Variants in FRY observed in about 807,000 individuals in gnomAD.
The protein encoded by FRY is FRY microtubule binding protein.
FRY carries 128 observed loss-of-function variants against 348.4 expected under a neutral mutation model. That is an observed-to-expected ratio of 0.37 (90% confidence interval 0.32 to 0.43). The LOEUF is 0.43. Among genes scored for constraint, FRY ranks in the 20% least tolerant of loss-of-function variants. FRY has a pLI of 1.00. For missense variants in FRY, 2,736 were observed against 3,695.2 expected, an observed-to-expected ratio of 0.74 and a Z score of 6.73; for synonymous variants, 1,370 against 1,374.7, an observed-to-expected ratio of 1.00 and a Z score of 0.08.
At chr13:32,092,800 G>A (rs993799961) in intron 2 of FRY, among the ~76,000 whole-genome samples, 2 of 152,166 alleles carry the variant, frequency 1.3e-5, no homozygotes, top group African/African-American at 4.8e-5. Flanking sequence ...AATCCAGTCT[G>A]CAAATGGGGA....
chr13:32,204,769 G>T (rs1214812089), intron 31 of FRY, among the ~76,000 whole-genome samples: 1 of 152,170 alleles, frequency 6.6e-6, no homozygotes, highest in Non-Finnish European at 1.5e-5. Context: ...TTCTCTTCTT[G>T]CAAAACTAAA....
At chr13:32,110,729 A>G (rs951591522) in intron 3 of FRY, among the ~76,000 whole-genome samples, 6 of 152,196 alleles carry the variant, frequency 3.9e-5, no homozygotes, top group Non-Finnish European at 8.8e-5. Flanking sequence ...GATGATATAA[A>G]CATACAATGT....
chr13:32,285,835 T>C lies in FRY; in HGVS notation c.8470-3798T>C, dbSNP rs370039938. 3.3e-5 allele frequency among the ~76,000 whole-genome samples: 5 copies of C among 152,254 alleles called. No individual in the cohort carries two copies. The East Asian group carries it at 5.8e-4, about 18-fold the overall frequency. ...GGCTATATAGACTTAAGACTCTCCC[T>C]GTGTGACTATTTTATATGACATTGT... On this transcript the variant is annotated intron_variant, in intron 58 of 60. Transcript: ENST00000542859.
chr13:32,245,268 A>T (rs1278943227), intron 47 of FRY, among the ~76,000 whole-genome samples: 1 of 152,054 alleles, frequency 6.6e-6, no homozygotes. Flanking sequence ...TTAAAGCCGT[A>T]CTCTGAGAAG....
rs1297373262 is a variant in FRY, at chr13:32,208,851, A to G, written c.4019-2A>G. The G allele has an allele frequency of 1.2e-6, 2 of 1,613,922 alleles. No homozygotes were observed. Among genetic ancestry groups the G allele is most frequent in the African/African-American group, 2.7e-5 (2 of 74,912 alleles). ...ACTCTCTGTCACTGCAATTCTCTTT[A>G]GAGGTAAGCCAGCGATTCCCCACAA... is the stretch of plus-strand genomic sequence containing the variant. On this transcript the variant is annotated splice_acceptor_variant, in intron 31 of 60. Coordinates refer to ENST00000542859, the MANE Select transcript of FRY (RefSeq NM_023037.3). LOFTEE classifies it high-confidence loss of function.
At chr13:32,177,350 A>C (rs569884134) in intron 20 of FRY, among the ~76,000 whole-genome samples, 1 of 152,136 alleles carries the variant, frequency 6.6e-6, no homozygotes, top group East Asian at 1.9e-4. Context: ...GCACTTTGGG[A>C]GGCCAAAGAA....
intron 4 of FRY, among the ~76,000 whole-genome samples, chr13:32,119,163 AAG>A (rs1489374851): frequency 6.6e-6 from 1 of 152,216 alleles, no homozygotes; most frequent in Non-Finnish European, 1.5e-5. Flanking sequence ...TTTTTAAAAT[AAG>A]AGAGAAAATG....
chr13:32,085,906 G>A (rs1192653942), intron 2 of FRY: 1 of 518,996 alleles, frequency 1.9e-6, no homozygotes, highest in South Asian at 1.4e-5. Context: ...CCCTCCAGGT[G>A]CTCATGCTTT....
At chr13:32,176,713 G>A (rs1882380342) in intron 20 of FRY, among the ~76,000 whole-genome samples, 1 of 152,196 alleles carries the variant, frequency 6.6e-6, no homozygotes, top group Admixed American at 6.5e-5. Flanking sequence ...TGTTCTGTGT[G>A]TACCAAAATC....
chr13:32,287,777 G>A, intron 58 of FRY: 1 of 533,302 alleles, frequency 1.9e-6, no homozygotes, highest in Middle Eastern at 3.4e-4. Context: ...TTCTGCTCTT[G>A]GAAAAGGGCC....
chr13:32,132,261 C>G (rs1288877292), intron 8 of FRY, among the ~76,000 whole-genome samples: 1 of 150,994 alleles, frequency 6.6e-6, no homozygotes, highest in Non-Finnish European at 1.5e-5. Flanking sequence ...AAAAACTCAG[C>G]TAAACAATAC....
chr13:32,183,304 T>C (rs1369596924), intron 24 of FRY, among the ~76,000 whole-genome samples: 1 of 151,986 alleles, frequency 6.6e-6, no homozygotes, highest in Non-Finnish European at 1.5e-5. Flanking sequence ...TTGCAGGAGG[T>C]TTGAGTTAAA....
intron 1 of FRY, among the ~76,000 whole-genome samples, chr13:32,069,134 C>G (rs1874455098): frequency 6.6e-6 from 1 of 152,030 alleles, no homozygotes; most frequent in Admixed American, 6.5e-5. Context: ...CCAGGATGGT[C>G]TCGATCTCCT....
At chr13:32,230,699 G>A (rs1359615515) in intron 40 of FRY, among the ~76,000 whole-genome samples, 1 of 152,178 alleles carries the variant, frequency 6.6e-6, no homozygotes, top group African/African-American at 2.4e-5. Flanking sequence ...GGGTCGAATG[G>A]TATTTCTGTC....
chr13:32,066,901 C>T (rs1182750567), intron 1 of FRY, among the ~76,000 whole-genome samples: 2 of 152,294 alleles, frequency 1.3e-5, no homozygotes, highest in African/African-American at 2.4e-5. Flanking sequence ...CATATATGCT[C>T]TTCTTTATTT....
At chr13:32,262,543 T>TCAGCTTTCTACA in intron 53 of FRY, 68 bp downstream of exon 53, 1 of 1,212,124 alleles carries the variant, frequency 8.2e-7, no homozygotes, top group Non-Finnish European at 1.2e-6. Context: ...ACTTCCAATT[T>TCAGCTTTCTACA]TCTGAGAATT....
intron 2 of FRY, among the ~76,000 whole-genome samples, chr13:32,088,209 A>G (rs1278789759): frequency 6.6e-6 from 1 of 152,228 alleles, no homozygotes; most frequent in Non-Finnish European, 1.5e-5. Context: ...TCAACAGACC[A>G]AATAAGGGAA....
chr13:32,034,954 A>T (rs1455839805), intron 1 of FRY, among the ~76,000 whole-genome samples: 3 of 152,228 alleles, frequency 2.0e-5, no homozygotes, highest in African/African-American at 7.2e-5. Flanking sequence ...TTGCTCCTGC[A>T]CTTGCATGGC....
chr13:32,051,132 G>GT (rs1264427557), intron 1 of FRY, among the ~76,000 whole-genome samples: 2 of 152,142 alleles, frequency 1.3e-5, no homozygotes, highest in African/African-American at 4.8e-5. Context: ...AATTATTTCC[G>GT]TTTCCTTCTG....
Sources: gnomAD v4.1 joint callset for allele counts (sites outside exome capture counted in the v4.1 genomes callset) on GRCh38, gnomAD v4.1.1 for gene constraint, MANE v1.5 for transcripts, NCBI Gene and HGNC (gene_info 2026-07-23, HGNC 2026-07-21) for gene names.